The following EYS variants were observed in gnomAD, a reference collection of about 807,000 sequenced individuals.
EYS encodes the protein EGF-like photoreceptor maintenance factor.
In EYS, 250 loss-of-function variants were observed where a neutral mutation model predicts 282.1. That is an observed-to-expected ratio of 0.89 (90% CI 0.80 to 0.98). EYS has a LOEUF of 0.98. Ranked by LOEUF, EYS falls within the 50% of genes least tolerant of loss-of-function variation. The pLI, the probability that EYS is intolerant of heterozygous loss-of-function variation, is 0.00. For synonymous variants in EYS, 1,355 were observed against 1,282.9 expected (o/e 1.06, Z -1.20); for missense variants, 4,016 against 3,709.0 (o/e 1.08, Z -2.15).
At chr6:65,556,078 G>A (rs1768788366) in intron 2 of EYS, among the ~76,000 whole-genome samples, 1 of 151,906 alleles carries the variant, frequency 6.6e-6, no homozygotes, top group Non-Finnish European at 1.5e-5. Flanking sequence ...GCATATTGTT[G>A]CCCTCATTTT....
At chr6:64,594,318 T>G (rs1438215399) in intron 24 of EYS, among the ~76,000 whole-genome samples, 1 of 152,146 alleles carries the variant, frequency 6.6e-6, no homozygotes, top group East Asian at 1.9e-4. Context: ...TCTTTGCTAT[T>G]GTGAATAGTG....
chr6:64,229,768 C>T lies in EYS; in HGVS notation c.6424+824G>A, dbSNP rs1766363792. Reference sequence around the variant, plus strand: ...ATACATACACATACACAAACACACCCCTTTGAATTAACATTAGGATGTCCC... The same window carrying T: ...ATACATACACATACACAAACACACCTCTTTGAATTAACATTAGGATGTCCC... On this transcript the variant is annotated intron_variant, in intron 31 of 42. Transcript: ENST00000503581. Among the ~76,000 whole-genome samples, 3 of 152,042 alleles carry T rather than the reference C, an allele frequency of 2.0e-5. No individual in the cohort carries two copies. The South Asian group carries it at 6.2e-4, about 32-fold the overall frequency.
chr6:65,382,574 T>A (rs1239527915), intron 8 of EYS, among the ~76,000 whole-genome samples: 1 of 149,362 alleles, frequency 6.7e-6, no homozygotes, highest in Non-Finnish European at 1.5e-5. Context: ...TAGGATAGAT[T>A]TATATGAAAA....
intron 33 of EYS, among the ~76,000 whole-genome samples, chr6:64,015,792 G>A (rs1768864236): frequency 6.6e-6 from 1 of 152,190 alleles, no homozygotes; most frequent in African/African-American, 2.4e-5. Context: ...ACCTGCATCA[G>A]CAGCATAGGT....
At chr6:64,939,363 G>T (rs1472564326) in intron 15 of EYS, among the ~76,000 whole-genome samples, 1 of 151,676 alleles carries the variant, frequency 6.6e-6, no homozygotes, top group Non-Finnish European at 1.5e-5. Flanking sequence ...TCTTAATTTA[G>T]GTAACAAAAT....
At chr6:64,009,542 C>T (rs1480950168) in intron 33 of EYS, among the ~76,000 whole-genome samples, 21 of 152,082 alleles carry the variant, frequency 1.4e-4, no homozygotes, top group Admixed American at 1.4e-3. Context: ...CCTCGGCCTC[C>T]GAAAGTGCTG....
intron 26 of EYS, among the ~76,000 whole-genome samples, chr6:64,560,575 C>G (rs1350665815): frequency 6.6e-6 from 1 of 152,032 alleles, no homozygotes; most frequent in Non-Finnish European, 1.5e-5. Flanking sequence ...ACTATTATGC[C>G]TAATTCATCA....
At chr6:64,270,740 A>G (rs1403568051) in intron 30 of EYS, among the ~76,000 whole-genome samples, 1 of 152,182 alleles carries the variant, frequency 6.6e-6, no homozygotes, top group Admixed American at 6.6e-5. Flanking sequence ...TAAACAGAAC[A>G]TCAGTAGCAC....
chr6:64,680,808 G>A (rs927192277), intron 22 of EYS, among the ~76,000 whole-genome samples: 2 of 152,140 alleles, frequency 1.3e-5, no homozygotes, highest in Admixed American at 1.3e-4. Context: ...AGGGCCTGGA[G>A]GAGTGACTCA....
chr6:64,722,877 T>G (rs902637222), intron 22 of EYS, among the ~76,000 whole-genome samples: 9 of 152,294 alleles, frequency 5.9e-5, no homozygotes, highest in African/African-American at 2.2e-4. Context: ...AAAAAGTGAC[T>G]GTGTTATTCG....
intron 16 of EYS, among the ~76,000 whole-genome samples, chr6:64,903,607 C>A (rs928500543): frequency 6.6e-6 from 1 of 152,078 alleles, no homozygotes; most frequent in African/African-American, 2.4e-5. Flanking sequence ...TGTTGGCATG[C>A]GAGTGATATA....
chr6:65,449,703 G>A (rs867087499), intron 5 of EYS, among the ~76,000 whole-genome samples: 29 of 152,150 alleles, frequency 1.9e-4, no homozygotes, highest in African/African-American at 7.0e-4. Context: ...TAAGCCTTAC[G>A]AAGAAAGGAC....
intron 35 of EYS, among the ~76,000 whole-genome samples, chr6:63,931,619 T>A (rs12663065): frequency 1.3e-4 from 20 of 152,330 alleles, no homozygotes; most frequent in African/African-American, 4.8e-4. Context: ...CTGACTATTG[T>A]TAACATGTTT....
intron 28 of EYS, among the ~76,000 whole-genome samples, chr6:64,392,866 T>G (rs1397930634): frequency 1.3e-5 from 2 of 151,502 alleles, no homozygotes; most frequent in Non-Finnish European, 2.9e-5. Flanking sequence ...ATCAACAAAA[T>G]TGATAGACCG....
intron 30 of EYS, among the ~76,000 whole-genome samples, chr6:64,246,739 A>G (rs59927113): frequency 0.015 from 2,331 of 152,248 alleles, 56 homozygotes; most frequent in African/African-American, 0.053. Flanking sequence ...TAATCCATAG[A>G]TACATTCTGA....
intron 28 of EYS, among the ~76,000 whole-genome samples, chr6:64,421,142 T>C (rs1774219629): frequency 6.6e-6 from 1 of 152,184 alleles, no homozygotes; most frequent in Non-Finnish European, 1.5e-5. Flanking sequence ...CAGTTCAGCA[T>C]GGCTGGGGAG....
Position 63,759,738 on chromosome 6 carries a change from A to G in EYS, c.8071+2723T>C, listed in dbSNP as rs181376590. Among the ~76,000 whole-genome samples, 14 of 152,230 alleles carry G rather than the reference A, an allele frequency of 9.2e-5. No homozygotes were observed. The East Asian group carries it at 1.5e-3, about 17-fold the overall frequency. ...TGCTTGCTGTGTTCCACATGGCCAA[A>G]TACACCTGAAAAACAAGTATTTGAA... On this transcript the variant is annotated intron_variant, in intron 41 of 42. Transcript: ENST00000503581.
intron 12 of EYS, among the ~76,000 whole-genome samples, chr6:65,113,373 T>C (rs756191539): frequency 6.9e-6 from 1 of 143,936 alleles, no homozygotes; most frequent in Non-Finnish European, 1.5e-5. Context: ...CTTTCAATTT[T>C]ATAGAGTGTA....
intron 31 of EYS, among the ~76,000 whole-genome samples, chr6:64,090,100 A>C (rs1018485972): frequency 2.6e-5 from 4 of 152,142 alleles, no homozygotes; most frequent in Non-Finnish European, 5.9e-5. Flanking sequence ...CACCAACAAG[A>C]TCTTCAATGC....
Sources: gnomAD v4.1 joint callset for allele counts (sites outside exome capture counted in the v4.1 genomes callset) on GRCh38, gnomAD v4.1.1 for gene constraint, MANE v1.5 for transcripts, NCBI Gene and HGNC (gene_info 2026-07-23, HGNC 2026-07-21) for gene names.